Variants in TAF1A observed in about 807,000 individuals in gnomAD.
The protein encoded by TAF1A is TATA-box binding protein associated factor, RNA polymerase I subunit A, also known as TATA box-binding protein-associated factor RNA polymerase I subunit A.
In TAF1A, 42 loss-of-function variants were observed where a neutral mutation model predicts 61.6. The ratio of observed to expected loss-of-function variants is 0.68; its 90% confidence interval spans 0.53 to 0.88. The LOEUF is 0.88. Ranked by LOEUF, TAF1A falls within the 40% of genes least tolerant of loss-of-function variation. The probability of loss-of-function intolerance (pLI) is 0.00; values close to 1 mark genes in which losing one functional copy is unlikely to be tolerated. For synonymous variants in TAF1A, 179 were observed against 177.7 expected, an observed-to-expected ratio of 1.01 and a Z score of -0.06; for missense variants, 424 against 518.7, an observed-to-expected ratio of 0.82 and a Z score of 1.77.
chr1:222,554,640 TA>T (rs1301007505), downstream of TAF1A, among the ~76,000 whole-genome samples: 2 of 152,210 alleles, frequency 1.3e-5, no homozygotes. Context: ...AATGTTAACA[TA>T]AAACAATGTT....
intron 7 of TAF1A, among the ~76,000 whole-genome samples, chr1:222,568,559 T>C (rs1258393218): frequency 1.3e-5 from 2 of 152,152 alleles, no homozygotes; most frequent in East Asian, 3.9e-4. Flanking sequence ...TAATGCCACA[T>C]GGGACACCCA....
intron 7 of TAF1A, among the ~76,000 whole-genome samples, chr1:222,567,562 T>G (rs1660166604): frequency 6.6e-6 from 1 of 152,124 alleles, no homozygotes; most frequent in African/African-American, 2.4e-5. Flanking sequence ...CACTAAAAAC[T>G]ACAAAACAGT....
chr1:222,577,490 G>A lies in TAF1A; in HGVS notation c.559C>T (p.Gln187Ter). Residue 187 changes from glutamine to a stop codon, truncating the protein, a stop_gained, in exon 5 of 11, where the codon CAG becomes TAG. Transcript: ENST00000352967. LOFTEE classifies it high-confidence loss of function. ...NLIQAYKGLL[Q>*]YYTWSEKKME... The stretch of plus-strand genomic sequence containing the variant: ...TTCTTTTCAGACCAGGTATAATACT[G>A]TAAAAGCCCTTTATAGGCCTGAATA... The A allele has an allele frequency of 1.2e-6, 2 of 1,613,926 alleles. No individual in the cohort carries two copies. The highest frequency in any genetic ancestry group is 1.7e-6 in the Non-Finnish European group (2 of 1,179,898).
chr1:222,587,511 C>CA (rs943192901), intron 2 of TAF1A, among the ~76,000 whole-genome samples: 3 of 151,852 alleles, frequency 2.0e-5, no homozygotes, highest in Non-Finnish European at 4.4e-5. Context: ...AAAGGCTGGG[C>CA]AAAAAAACAC....
chr1:222,574,625 CATAAA>C (rs1189007621), intron 5 of TAF1A, among the ~76,000 whole-genome samples: 1 of 152,072 alleles, frequency 6.6e-6, no homozygotes, highest in African/African-American at 2.4e-5. Flanking sequence ...GTGTGACTAT[CATAAA>C]ATATTTTATA....
At chr1:222,563,977 T>G in intron 8 of TAF1A, 82 bp downstream of exon 8, 1 of 825,982 alleles carries the variant, frequency 1.2e-6, no homozygotes, top group Non-Finnish European at 2.0e-6. Flanking sequence ...AGGGGTGGAT[T>G]TAGCCGATGG....
At chr1:222,580,014 T>C in intron 3 of TAF1A, 142 bp from the exon 4 acceptor site, 1 of 962,334 alleles carries the variant, frequency 1.0e-6, no homozygotes, top group Non-Finnish European at 1.5e-6. Flanking sequence ...TTACTCTACT[T>C]TGCCATGTAA....
intron 6 of TAF1A, among the ~76,000 whole-genome samples, chr1:222,570,227 T>C (rs1294918341): frequency 6.6e-6 from 1 of 152,210 alleles, no homozygotes; most frequent in East Asian, 1.9e-4. Flanking sequence ...CAGATTTTTG[T>C]CCTCTTTCCT....
intron 7 of TAF1A, among the ~76,000 whole-genome samples, chr1:222,567,488 G>T (rs1225660766): frequency 6.6e-6 from 1 of 152,108 alleles, no homozygotes. Context: ...AATTTAAAAT[G>T]TTAAGCAATA....
At chr1:222,584,371 TAAG>T (rs1178250237) in intron 2 of TAF1A, 74 bp from the exon 3 acceptor site, 1 of 1,421,374 alleles carries the variant, frequency 7.0e-7, no homozygotes, top group African/African-American at 1.4e-5. Context: ...TTACTTCTGA[TAAG>T]AAGTTTTAAC....
chr1:222,569,184 G>T, intron 7 of TAF1A: 1 of 995,754 alleles, frequency 1.0e-6, no homozygotes, highest in Non-Finnish European at 1.3e-6. Flanking sequence ...ACGCATCCAA[G>T]CACATACTTA....
chr1:222,579,744 A>G lies in TAF1A; in HGVS notation c.405+15T>C, dbSNP rs1311958472. On this transcript the variant is annotated intron_variant, in intron 4 of 10. Coordinates refer to ENST00000352967, the MANE Select transcript of TAF1A (RefSeq NM_005681.4). ...GAATACTGCAAGTGTAAATTCACAA[A>G]GCCCATATTCTCACCTTTAAATAAT... 6.3e-7 allele frequency: 1 copy of G among 1,591,314 alleles called. No individual in the cohort carries two copies. Among genetic ancestry groups the G allele is most frequent in the Non-Finnish European group, 8.5e-7 (1 of 1,174,308 alleles).
At chr1:222,557,638 G>A (rs1659751744), downstream of TAF1A, among the ~76,000 whole-genome samples, 1 of 151,560 alleles carries the variant, frequency 6.6e-6, no homozygotes, top group Admixed American at 6.6e-5. Flanking sequence ...GGTATTTTTA[G>A]TAGAGACAGG....
In TAF1A at chr1:222,564,107, G is replaced by A; in HGVS notation, c.913C>T (p.Pro305Ser). 1.9e-6 allele frequency: 3 copies of A among 1,554,318 alleles called. No homozygotes were observed. The highest frequency in any genetic ancestry group is 1.1e-5 in the South Asian group (1 of 87,650). The change falls in exon 8 of 11, where the codon CCA (proline) becomes TCA (serine). Residue 305 changes from proline to serine, a missense_variant. By Grantham distance (74) the Pro-to-Ser change is moderately conservative. Transcript: ENST00000352967. ...SVLKILYQIV[P>S]SHKLMLEFHT... is the part of the protein sequence containing the mutation. ...AATTCCAACATCAATTTATGAGATG[G>A]TACAATCTGATACAAAATCTGAAAG...
chr1:222,579,908 T>A, intron 3 of TAF1A, 36 bp from the exon 4 acceptor site: 1 of 1,582,114 alleles, frequency 6.3e-7, no homozygotes, highest in African/African-American at 1.4e-5. Flanking sequence ...AATGTAAAAT[T>A]TTTGCCTTAA....
intron 3 of TAF1A, among the ~76,000 whole-genome samples, chr1:222,583,412 C>T (rs369601326): frequency 1.0e-5 from 1 of 97,526 alleles, no homozygotes; most frequent in Non-Finnish European, 2.0e-5. Flanking sequence ...GTATAAAAAA[C>T]GTCTTGATAA....
downstream of TAF1A, chr1:222,558,254 T>C (rs1431692208): frequency 6.6e-6 from 1 of 152,196 alleles, no homozygotes; most frequent in East Asian, 1.9e-4. Flanking sequence ...AATATATTTC[T>C]TCATGGTGGT....
chr1:222,575,116 A>C (rs1461573322), intron 5 of TAF1A, among the ~76,000 whole-genome samples: 1 of 152,232 alleles, frequency 6.6e-6, no homozygotes, highest in African/African-American at 2.4e-5. Context: ...CTGCAAACCA[A>C]ACAGAGGCAC....
At chr1:222,567,352 A>T (rs1025452279) in intron 7 of TAF1A, among the ~76,000 whole-genome samples, 1 of 152,234 alleles carries the variant, frequency 6.6e-6, no homozygotes, top group African/African-American at 2.4e-5. Context: ...GATAACGAAA[A>T]CATTCTGGAA....
Sources: gnomAD v4.1 joint callset for allele counts (sites outside exome capture counted in the v4.1 genomes callset) on GRCh38, gnomAD v4.1.1 for gene constraint, MANE v1.5 for transcripts, NCBI Gene and HGNC (gene_info 2026-07-23, HGNC 2026-07-21) for gene names.